SVIL: variants seen among roughly 807,000 people sequenced by gnomAD.
SVIL encodes the protein archvillin.
A neutral mutation model predicts 240.4 loss-of-function variants in SVIL; 101 were observed. The observed-to-expected ratio is 0.42, with a 90% CI of 0.36 to 0.50. SVIL has a LOEUF of 0.50. SVIL is among the 20% of genes least tolerant of loss of function. The pLI, the probability that SVIL is intolerant of heterozygous loss-of-function variation, is 0.01. For synonymous variants in SVIL, 999 were observed against 1,100.0 expected (o/e 0.91, Z 1.82); for missense variants, 2,512 against 2,818.7 (o/e 0.89, Z 2.46).
intron 9 of SVIL, 68 bp downstream of exon 9, chr10:29,531,934 C>T: frequency 1.9e-6 from 3 of 1,543,678 alleles, no homozygotes; most frequent in South Asian, 2.3e-5. Flanking sequence ...TCAAGACCGT[C>T]AGTGTGGTAA....
At chr10:29,615,407 A>G (rs1957394148) in intron 1 of SVIL, among the ~76,000 whole-genome samples, 1 of 152,238 alleles carries the variant, frequency 6.6e-6, no homozygotes, top group Non-Finnish European at 1.5e-5. Flanking sequence ...CACTGGATCA[A>G]ATGACAGATT....
intron 16 of SVIL, among the ~76,000 whole-genome samples, chr10:29,513,693 T>G (rs1310115481): frequency 2.0e-5 from 3 of 152,246 alleles, no homozygotes; most frequent in African/African-American, 7.2e-5. Flanking sequence ...TGATCATTCT[T>G]ATCCATCTTC....
At chr10:29,602,082 G>A (rs1956831809) in intron 1 of SVIL, among the ~76,000 whole-genome samples, 1 of 151,990 alleles carries the variant, frequency 6.6e-6, no homozygotes, top group African/African-American at 2.4e-5. Context: ...AAAACATGGG[G>A]CCCTGGATTA....
At chr10:29,549,046 CA>C (rs1952962136) in intron 6 of SVIL, among the ~76,000 whole-genome samples, 1 of 151,514 alleles carries the variant, frequency 6.6e-6, no homozygotes, top group Admixed American at 6.6e-5. Flanking sequence ...AGCTTCTGCA[CA>C]GCAAAAGAAA....
intron 36 of SVIL, among the ~76,000 whole-genome samples, chr10:29,460,417 C>T (rs1382707288): frequency 6.6e-6 from 1 of 152,146 alleles, no homozygotes; most frequent in East Asian, 1.9e-4. Context: ...CCGCTGCTAA[C>T]CCCCAAGATC....
At position 29,512,665 on chromosome 10, in the gene SVIL, G is replaced by A. The variant is rs1469989613; in HGVS notation, c.3516+70C>T. ...ACAGAGTAGGAATTAGGTGGCACAC[G>A]CTTGTCTTTTTGATGCACTTCCAAG... On this transcript the variant is annotated intron_variant, in intron 17 of 37. Coordinates refer to ENST00000355867, the MANE Select transcript of SVIL (RefSeq NM_021738.3). The A allele has an allele frequency of 1.4e-5, 23 of 1,611,134 alleles. No individual in the cohort carries two copies. In the Admixed American group the frequency reaches 2.3e-4, roughly 16 times the overall value.
chr10:29,586,085 G>A (rs1472769555), intron 1 of SVIL, among the ~76,000 whole-genome samples: 1 of 152,202 alleles, frequency 6.6e-6, no homozygotes, highest in Non-Finnish European at 1.5e-5. Flanking sequence ...AAACTCAAAC[G>A]AGAAAAGATG....
rs755474825 is a variant in SVIL, at chr10:29,480,586, A to G, written c.5328T>C (p.His1776=). 8 of 1,613,972 alleles carry G rather than the reference A, an allele frequency of 5.0e-6. No homozygotes were observed. In the South Asian group the frequency reaches 6.6e-5, roughly 13 times the overall value. ...ACTTGACCACATAGGCATCCCCCTC[A>G]TGGAACTGCCCGATGCTTTGTTTGG... ...RLPKQSIGQF[H]EGDAYVVKWK... is the part of the protein sequence containing the mutation. Residue 1776 remains histidine (H), a synonymous_variant, in exon 29 of 38, where the codon CAT becomes CAC. Coordinates refer to ENST00000355867, the MANE Select transcript of SVIL (RefSeq NM_021738.3).
chr10:29,626,561 C>G (rs567629793), intron 1 of SVIL, among the ~76,000 whole-genome samples: 1 of 152,320 alleles, frequency 6.6e-6, no homozygotes, highest in African/African-American at 2.4e-5. Flanking sequence ...TCTCAGGCAT[C>G]CCTGAGCGAG....
At chr10:29,734,069 A>G (rs1589600478) in intron 1 of SVIL, among the ~76,000 whole-genome samples, 1 of 152,310 alleles carries the variant, frequency 6.6e-6, no homozygotes, top group South Asian at 2.1e-4. Flanking sequence ...CTCCTTGCAA[A>G]AGAAAAGGCA....
At chr10:29,609,153 G>C (rs1392164314) in intron 1 of SVIL, among the ~76,000 whole-genome samples, 2 of 152,212 alleles carry the variant, frequency 1.3e-5, no homozygotes, top group Non-Finnish European at 2.9e-5. Context: ...CCAGTTGTCT[G>C]CATAACCTCA....
chr10:29,692,291 GA>G (rs1164602208), intron 1 of SVIL, among the ~76,000 whole-genome samples: 2 of 152,148 alleles, frequency 1.3e-5, no homozygotes, highest in African/African-American at 4.8e-5. Flanking sequence ...CAAAGCCGAT[GA>G]ACTCTCCCTG....
intron 1 of SVIL, among the ~76,000 whole-genome samples, chr10:29,720,433 T>C (rs1454900160): frequency 6.6e-6 from 1 of 152,112 alleles, no homozygotes; most frequent in African/African-American, 2.4e-5. Flanking sequence ...AGTTAGCACA[T>C]GGTACTTATA....
Position 29,480,630 on chromosome 10 carries a change from A to C in SVIL, c.5284T>G (p.Phe1762Val). The C allele has an allele frequency of 6.2e-7, 1 of 1,614,188 alleles. No homozygotes were observed. The highest frequency in any genetic ancestry group is 8.5e-7 in the Non-Finnish European group (1 of 1,180,038). Residue 1762 changes from phenylalanine to valine, a missense_variant, in exon 29 of 38, where the codon TTC becomes GTC. Coordinates refer to ENST00000355867, the MANE Select transcript of SVIL (RefSeq NM_021738.3). ...TGTTTGGGGAGCCTGCTATAGTCGA[A>C]TTCCAGGATGTGCCAGACATCCACG... ...VSVDVWHILE[F>V]DYSRLPKQSI...
At chr10:29,696,607 C>T (rs1589531908) in intron 1 of SVIL, among the ~76,000 whole-genome samples, 1 of 151,572 alleles carries the variant, frequency 6.6e-6, no homozygotes, top group Middle Eastern at 3.4e-3. Context: ...CCCCGCCGCC[C>T]CGTCTGGGAT....
At chr10:29,720,596 C>A (rs796959454) in intron 1 of SVIL, among the ~76,000 whole-genome samples, 9 of 152,166 alleles carry the variant, frequency 5.9e-5, no homozygotes, top group African/African-American at 2.2e-4. Flanking sequence ...GAATAAAGAA[C>A]AGTGGAAATA....
At chr10:29,508,681 C>A (rs59600810) in intron 17 of SVIL, 12,365 of 336,580 alleles carry the variant, frequency 0.037, 874 homozygotes, top group African/African-American at 0.16. Flanking sequence ...AGACACTGAG[C>A]ATATAAATGT....
intron 28 of SVIL, 33 bp downstream of exon 28, chr10:29,481,551 G>A (rs1473331451): frequency 1.9e-6 from 3 of 1,611,820 alleles, no homozygotes; most frequent in African/African-American, 2.7e-5. Flanking sequence ...CCCGAACCAA[G>A]CCCCGAGTTT....
At chr10:29,704,415 T>A (rs1777334) in intron 1 of SVIL, among the ~76,000 whole-genome samples, 1 of 151,834 alleles carries the variant, frequency 6.6e-6, no homozygotes, top group East Asian at 1.9e-4. Flanking sequence ...GACTTTCTCA[T>A]GCTTTCTCTC....
Sources: allele counts gnomAD v4.1 joint callset (sites outside exome capture counted in the v4.1 genomes callset), GRCh38; gene constraint gnomAD v4.1.1; transcripts MANE v1.5; gene names NCBI Gene and HGNC (gene_info 2026-07-23, HGNC 2026-07-21).